SGMS1: variants seen among roughly 807,000 people sequenced by gnomAD.
SGMS1 encodes phosphatidylcholine:ceramide cholinephosphotransferase 1.
Under a neutral mutation model 46.2 loss-of-function variants are expected in SGMS1, and 13 were observed. The observed-to-expected ratio is 0.28, with a 90% CI of 0.18 to 0.45. SGMS1 has a LOEUF of 0.45. Ranked by LOEUF, SGMS1 falls within the 20% of genes least tolerant of loss-of-function variation. The probability of loss-of-function intolerance (pLI) is 1.00; values close to 1 mark genes in which losing one functional copy is unlikely to be tolerated. For synonymous variants in SGMS1, 203 were observed against 187.8 expected (o/e 1.08, Z -0.66); for missense variants, 324 against 519.9 (o/e 0.62, Z 3.66).
intron 6 of SGMS1, among the ~76,000 whole-genome samples, chr10:50,351,583 G>A (rs180808378): frequency 2.0e-5 from 3 of 152,158 alleles, no homozygotes; most frequent in Admixed American, 2.0e-4. Context: ...TTTCCTCCAT[G>A]CTGTTGTCAT....
At chr10:50,589,009 G>T (rs1056262234) in intron 2 of SGMS1, among the ~76,000 whole-genome samples, 3 of 152,130 alleles carry the variant, frequency 2.0e-5, no homozygotes, top group South Asian at 4.1e-4. Flanking sequence ...GGGATTACAG[G>T]CATGAGCCAC....
At chr10:50,451,172 C>A (rs1347973893) in intron 5 of SGMS1, among the ~76,000 whole-genome samples, 1 of 152,138 alleles carries the variant, frequency 6.6e-6, no homozygotes, top group Non-Finnish European at 1.5e-5. Context: ...CTTCCAAACA[C>A]AGCTACTTAA....
chr10:50,479,797 ATATGGATACATCCTTTAATGGATG>A (rs1837459968), intron 3 of SGMS1, among the ~76,000 whole-genome samples: 1 of 152,154 alleles, frequency 6.6e-6, no homozygotes, highest in Non-Finnish European at 1.5e-5. Context: ...ATACATCATT[ATATGGATACATCCTTTAATGGATG>A]TATGGATATT....
At chr10:50,388,070 C>T (rs1435073115) in intron 6 of SGMS1, among the ~76,000 whole-genome samples, 1 of 152,066 alleles carries the variant, frequency 6.6e-6, no homozygotes, top group East Asian at 1.9e-4. Context: ...TTAGACTAAA[C>T]TTGATTTAAC....
intron 8 of SGMS1, among the ~76,000 whole-genome samples, chr10:50,322,002 G>A (rs1847453748): frequency 6.6e-6 from 1 of 152,234 alleles, no homozygotes; most frequent in Non-Finnish European, 1.5e-5. Context: ...AGAATATGAA[G>A]GCTGTTCTGC....
intron 6 of SGMS1, among the ~76,000 whole-genome samples, chr10:50,363,861 C>A (rs1448670928): frequency 3.3e-5 from 5 of 151,770 alleles, no homozygotes; most frequent in Non-Finnish European, 5.9e-5. Context: ...GAAAAAAAAT[C>A]ACCAGGTATC....
At chr10:50,463,553 C>T (rs903691257) in intron 4 of SGMS1, among the ~76,000 whole-genome samples, 5 of 152,140 alleles carry the variant, frequency 3.3e-5, no homozygotes, top group South Asian at 2.1e-4. Flanking sequence ...AGAAGTTGAT[C>T]GGAATATTGG....
At chr10:50,529,859 A>G (rs1208053093) in intron 2 of SGMS1, among the ~76,000 whole-genome samples, 1 of 152,206 alleles carries the variant, frequency 6.6e-6, no homozygotes, top group Non-Finnish European at 1.5e-5. Context: ...TTGGCAAAGG[A>G]GAACCATGTA....
At chr10:50,623,239 C>T (rs1346430116) in intron 1 of SGMS1, among the ~76,000 whole-genome samples, 2 of 152,146 alleles carry the variant, frequency 1.3e-5, no homozygotes, top group East Asian at 3.9e-4. Context: ...CCAACTGTCA[C>T]ACCGCCACCT....
At chr10:50,478,797 A>G (rs1837451056) in intron 3 of SGMS1, among the ~76,000 whole-genome samples, 3 of 152,274 alleles carry the variant, frequency 2.0e-5, no homozygotes, top group South Asian at 4.1e-4. Context: ...AGCTACAACA[A>G]TCGATTCAAT....
intron 5 of SGMS1, among the ~76,000 whole-genome samples, chr10:50,440,325 C>T (rs966539325): frequency 6.6e-6 from 1 of 151,414 alleles, no homozygotes; most frequent in East Asian, 1.9e-4. Flanking sequence ...ACTCAACATT[C>T]TCCTTCCTAA....
intron 6 of SGMS1, among the ~76,000 whole-genome samples, chr10:50,395,387 C>T (rs1270897880): frequency 1.3e-5 from 2 of 152,168 alleles, no homozygotes; most frequent in African/African-American, 4.8e-5. Flanking sequence ...TTACCCCTCA[C>T]TCAGACATAC....
At chr10:50,394,318 A>G (rs1848814633) in intron 6 of SGMS1, among the ~76,000 whole-genome samples, 1 of 152,240 alleles carries the variant, frequency 6.6e-6, no homozygotes, top group Admixed American at 6.5e-5. Flanking sequence ...AGACTCCATC[A>G]TAAGCCATGT....
intron 1 of SGMS1, among the ~76,000 whole-genome samples, chr10:50,607,104 A>T (rs1838704558): frequency 6.6e-6 from 1 of 151,188 alleles, no homozygotes; most frequent in Non-Finnish European, 1.5e-5. Flanking sequence ...TCAGCCTCCC[A>T]AGTAGCTGGG....
chr10:50,338,642 G>C (rs1193443331), intron 7 of SGMS1, among the ~76,000 whole-genome samples: 1 of 152,020 alleles, frequency 6.6e-6, no homozygotes, highest in Non-Finnish European at 1.5e-5. Flanking sequence ...CTTCTAGAAA[G>C]AGTTCAGCCC....
chr10:50,622,913 T>C (rs1204826090), intron 1 of SGMS1, among the ~76,000 whole-genome samples: 2 of 152,234 alleles, frequency 1.3e-5, no homozygotes, highest in Non-Finnish European at 2.9e-5. Context: ...GTTTTGCCCT[T>C]GACACGTCGC....
At chr10:50,412,042 C>T (rs1160717318) in intron 6 of SGMS1, among the ~76,000 whole-genome samples, 4 of 152,158 alleles carry the variant, frequency 2.6e-5, no homozygotes, top group African/African-American at 7.2e-5. Context: ...CTGCTGTGCT[C>T]CCCTTGGGCA....
chr10:50,386,510 T>C (rs1395228955), intron 6 of SGMS1, among the ~76,000 whole-genome samples: 1 of 152,194 alleles, frequency 6.6e-6, no homozygotes, highest in Non-Finnish European at 1.5e-5. Flanking sequence ...CAGCTTCCTA[T>C]GTCCTCTCAA....
intron 9 of SGMS1, among the ~76,000 whole-genome samples, chr10:50,309,973 G>T (rs1847229931): frequency 1.3e-5 from 2 of 152,016 alleles, no homozygotes; most frequent in African/African-American, 4.8e-5. Context: ...TCTCCAGTTT[G>T]GTCCCCCATC....
Sources: allele counts gnomAD v4.1 joint callset (sites outside exome capture counted in the v4.1 genomes callset), GRCh38; gene constraint gnomAD v4.1.1; transcripts MANE v1.5; gene names NCBI Gene and HGNC (gene_info 2026-07-23, HGNC 2026-07-21).